C8orf74: variants seen among roughly 807,000 people sequenced by gnomAD.
C8orf74 encodes the protein chromosome 8 open reading frame 74.
Under a neutral mutation model 22.2 loss-of-function variants are expected in C8orf74, and 29 were observed. The observed-to-expected ratio is 1.31, with a 90% CI of 0.97 to 1.78. The LOEUF (loss-of-function observed/expected upper bound fraction) is 1.78, where lower values mean the gene tolerates loss of function less well. Among genes scored for constraint, C8orf74 ranks in the 40% most tolerant of loss-of-function variants. The pLI is 0.00. For synonymous variants in C8orf74, 255 were observed against 163.1 expected (o/e 1.56, Z -4.30); for missense variants, 515 against 369.9 (o/e 1.39, Z -3.22).
At chr8:10,683,204 C>A (rs1799189127) in intron 2 of C8orf74, among the ~76,000 whole-genome samples, 2 of 152,250 alleles carry the variant, frequency 1.3e-5, no homozygotes, top group Admixed American at 6.5e-5. Flanking sequence ...CTAACTGGGT[C>A]ACCCAGAGCT....
intron 2 of C8orf74, among the ~76,000 whole-genome samples, chr8:10,680,920 G>A (rs989417348): frequency 6.6e-6 from 1 of 152,110 alleles, no homozygotes; most frequent in South Asian, 2.1e-4. Flanking sequence ...AGGCAGGAGC[G>A]GGGGTCCTCT....
At chr8:10,695,394 AG>A (rs1433036971) in intron 2 of C8orf74, among the ~76,000 whole-genome samples, 1 of 152,200 alleles carries the variant, frequency 6.6e-6, no homozygotes, top group Non-Finnish European at 1.5e-5. Context: ...AGAAAGGAGA[AG>A]TACAGCCTCC....
At chr8:10,683,799 C>G (rs909067047) in intron 2 of C8orf74, among the ~76,000 whole-genome samples, 1 of 152,232 alleles carries the variant, frequency 6.6e-6, no homozygotes, top group Non-Finnish European at 1.5e-5. Context: ...AGGCCCTCAG[C>G]TGTGAGACTG....
intron 2 of C8orf74, among the ~76,000 whole-genome samples, chr8:10,681,611 C>G (rs539491637): frequency 6.6e-6 from 1 of 152,224 alleles, no homozygotes; most frequent in South Asian, 2.1e-4. Flanking sequence ...GGTGTCCCAC[C>G]TGTGGCCACC....
chr8:10,684,639 T>A lies in C8orf74; in HGVS notation c.241+9801T>A, dbSNP rs186508365. 3.3e-5 allele frequency among the ~76,000 whole-genome samples: 5 copies of A among 152,378 alleles called. No individual in the cohort carries two copies. In the East Asian group the frequency reaches 9.6e-4, roughly 29 times the overall value. On this transcript the variant is annotated intron_variant, in intron 2 of 3. Coordinates refer to ENST00000304519, the MANE Select transcript of C8orf74 (RefSeq NM_001040032.2). ...CCCAAGGGGTGCCTGAAACAGGGGA[T>A]GGTACCACACCCTATATCCACTACT...
At chr8:10,692,558 C>G (rs540886766) in intron 2 of C8orf74, 54 of 152,414 alleles carry the variant, frequency 3.5e-4, no homozygotes, top group African/African-American at 1.3e-3. Context: ...CCCTGTCATC[C>G]AGACTGGACT....
chr8:10,679,827 G>A (rs1460861145), intron 2 of C8orf74: 1 of 153,128 alleles, frequency 6.5e-6, no homozygotes, highest in Admixed American at 6.5e-5. Flanking sequence ...CCTTCCCTGT[G>A]ATGACTGCCT....
chr8:10,698,761 G>A (rs545871522), intron 3 of C8orf74, among the ~76,000 whole-genome samples: 5 of 152,128 alleles, frequency 3.3e-5, no homozygotes, highest in East Asian at 1.9e-4. Context: ...TTGCATGTGC[G>A]TGTGTATGTA....
chr8:10,691,584 G>C (rs894880152), intron 2 of C8orf74: 1 of 152,762 alleles, frequency 6.5e-6, no homozygotes, highest in Non-Finnish European at 1.5e-5. Flanking sequence ...CACAGGCCCA[G>C]AGTCCAGCTT....
chr8:10,698,055 A>T, intron 3 of C8orf74, 50 bp downstream of exon 3: 1 of 1,428,844 alleles, frequency 7.0e-7, no homozygotes, highest in South Asian at 1.5e-5. Flanking sequence ...CTGCAGAGAC[A>T]CCAGCCAGGG....
chr8:10,673,051 C>A (rs1314845322), intron 1 of C8orf74, among the ~76,000 whole-genome samples: 1 of 152,128 alleles, frequency 6.6e-6, no homozygotes, highest in Non-Finnish European at 1.5e-5. Flanking sequence ...CTGCTGCTTT[C>A]TAGGGGGTGC....
intron 2 of C8orf74, among the ~76,000 whole-genome samples, chr8:10,676,452 G>T (rs1799034295): frequency 6.6e-6 from 1 of 152,086 alleles, no homozygotes; most frequent in African/African-American, 2.4e-5. Context: ...CTTGCATTCT[G>T]CAATCGATTT....
chr8:10,697,812 C>T lies in C8orf74; in HGVS notation c.455C>T (p.Pro152Leu). The change falls in exon 3 of 4, where the codon CCG becomes CTG. Residue 152 changes from proline (P) to leucine (L), a missense_variant. Physicochemically the swap from Pro to Leu is moderately conservative, Grantham distance 98. Coordinates refer to ENST00000304519, the MANE Select transcript of C8orf74 (RefSeq NM_001040032.2). ...LEVCMPPHPL[P>L]LAEGMDRDLW... Reference sequence around the variant, plus strand: ...GTGTGCATGCCACCCCATCCCCTCCCGCTGGCCGAGGGCATGGACAGGGAC... The same window carrying T: ...GTGTGCATGCCACCCCATCCCCTCCTGCTGGCCGAGGGCATGGACAGGGAC... 1.2e-6 allele frequency: 2 copies of T among 1,614,010 alleles called. No individual in the cohort carries two copies. The highest frequency in any genetic ancestry group is 1.7e-5 in the Admixed American group (1 of 60,030).
intron 2 of C8orf74, chr8:10,688,447 G>C (rs1188333181): frequency 1.3e-5 from 2 of 152,200 alleles, no homozygotes; most frequent in Admixed American, 1.3e-4. Context: ...TCCCCAGTCT[G>C]TGCTCATACC....
chr8:10,696,406 C>G (rs1208783451), intron 2 of C8orf74, among the ~76,000 whole-genome samples: 2 of 151,634 alleles, frequency 1.3e-5, no homozygotes, highest in East Asian at 1.9e-4. Context: ...ACTGCCTGCT[C>G]CACTCTTTTT....
chr8:10,686,269 T>G (rs1799261117), intron 2 of C8orf74, among the ~76,000 whole-genome samples: 1 of 152,230 alleles, frequency 6.6e-6, no homozygotes, highest in Non-Finnish European at 1.5e-5. Flanking sequence ...AGACCTGATT[T>G]TGCTACTGAA....
Position 10,687,611 on chromosome 8 carries a change from A to T in C8orf74, c.242-9988A>T, listed in dbSNP as rs537894611. On this transcript the variant is annotated intron_variant, in intron 2 of 3. Coordinates refer to ENST00000304519, the MANE Select transcript of C8orf74 (RefSeq NM_001040032.2). ...AGCCTGGGTGACACAGTGAGACTCC[A>T]TCTCAAAAAAAAAAAAAAAAAAAAA... Among the ~76,000 whole-genome samples the T allele has an allele frequency of 3.0e-5, 4 of 131,372 alleles. No individual in the cohort carries two copies. In the East Asian group the frequency reaches 8.5e-4, roughly 28 times the overall value. The allele number at this position is 131,372 out of a possible 152,430, so 86.2% of individuals were successfully genotyped here. A position where few individuals can be genotyped will look rare whatever the true frequency, so the allele number is the denominator to read the frequency against.
At chr8:10,687,974 G>T (rs1799295990) in intron 2 of C8orf74, among the ~76,000 whole-genome samples, 1 of 152,196 alleles carries the variant, frequency 6.6e-6, no homozygotes. Context: ...GGGAGGCCGA[G>T]GTGGGTGGAT....
At chr8:10,684,158 G>A (rs1799213013) in intron 2 of C8orf74, among the ~76,000 whole-genome samples, 1 of 152,194 alleles carries the variant, frequency 6.6e-6, no homozygotes, top group African/African-American at 2.4e-5. Context: ...GGCAGTCTTG[G>A]GTGGATGGGT....
Sources: gnomAD v4.1 joint callset for allele counts (sites outside exome capture counted in the v4.1 genomes callset) on GRCh38, gnomAD v4.1.1 for gene constraint, MANE v1.5 for transcripts, NCBI Gene and HGNC (gene_info 2026-07-23, HGNC 2026-07-21) for gene names.